The following UBA3 variants were observed in gnomAD, a reference collection of about 807,000 sequenced individuals.
UBA3 encodes the protein ubiquitin like modifier activating enzyme 3, also known as NEDD8-activating enzyme E1 catalytic subunit.
A neutral mutation model predicts 73.5 loss-of-function variants in UBA3; 26 were observed. The observed-to-expected ratio is 0.35, with a 90% CI of 0.26 to 0.49. The LOEUF (loss-of-function observed/expected upper bound fraction) is 0.49, where lower values mean the gene tolerates loss of function less well. Ranked by LOEUF, UBA3 falls within the 20% of genes least tolerant of loss-of-function variation. The pLI is 0.98. For missense variants in UBA3, 495 were observed against 555.6 expected (o/e 0.89, Z 1.10); for synonymous variants, 217 against 191.2 (o/e 1.13, Z -1.11).
chr3:69,056,219 T>C lies in UBA3; in HGVS notation c.1148A>G (p.Gln383Arg), dbSNP rs759582398. The C allele has an allele frequency of 6.2e-7, 1 of 1,601,762 alleles. No individual in the cohort carries two copies. The highest frequency in any genetic ancestry group is 1.8e-5 in the Admixed American group (1 of 56,682). Reference protein sequence around the residue: ...NIQFSPSAKLQEVLDYLTNSA... With the variant: ...NIQFSPSAKLREVLDYLTNSA... ...ATTGGTTAGATAATCCAAAACCTCC[T>C]GTAGTTTAGCTGATGGAGAAAACTG... The change falls in exon 15 of 18, where the codon CAG becomes CGG. Residue 383 changes from glutamine (Q) to arginine (R), a missense_variant. Physicochemically the swap from Gln to Arg is conservative, Grantham distance 43. Transcript: ENST00000361055.
intron 5 of UBA3, among the ~76,000 whole-genome samples, chr3:69,070,745 T>A (rs1345431146): frequency 3.9e-5 from 6 of 152,116 alleles, no homozygotes; most frequent in Non-Finnish European, 7.4e-5. Context: ...CTCCAGATCC[T>A]GAGCTCAAAC....
intron 14 of UBA3, 133 bp from the exon 15 acceptor site, chr3:69,056,416 G>T: frequency 1.1e-6 from 1 of 898,434 alleles, no homozygotes; most frequent in Non-Finnish European, 1.6e-6. Context: ...ATGCTTTAAA[G>T]CCTGCTTTTC....
chr3:69,058,882 C>G (rs887081961), intron 11 of UBA3, among the ~76,000 whole-genome samples: 1 of 152,146 alleles, frequency 6.6e-6, no homozygotes, highest in Admixed American at 6.5e-5. Flanking sequence ...TGTTGAGGCC[C>G]TCATTCACCA....
rs754956218 is a variant in UBA3, at chr3:69,055,420, T to C, written c.*17A>G. ...GTATATTATTTCCATGAGTTTTCTA[T>C]TATGTGGAGATTTTCCTTAAGAAGT... On this transcript the variant is annotated 3_prime_UTR_variant, in exon 18 of 18. Transcript: ENST00000361055. 6 of 1,456,660 alleles carry C rather than the reference T, an allele frequency of 4.1e-6. No homozygotes were observed. In the East Asian group the frequency reaches 1.3e-4, roughly 32 times the overall value. The allele number at this position is 1,456,660 out of a possible 1,614,324, so 90.2% of individuals were successfully genotyped here.
At chr3:69,068,430 T>G (rs2092091777) in intron 5 of UBA3, among the ~76,000 whole-genome samples, 1 of 151,966 alleles carries the variant, frequency 6.6e-6, no homozygotes, top group Admixed American at 6.6e-5. Context: ...GAACCTTCAT[T>G]TAACCCCTTC....
chr3:69,072,008 T>G (rs573951623), intron 4 of UBA3, among the ~76,000 whole-genome samples: 2 of 152,338 alleles, frequency 1.3e-5, no homozygotes, highest in East Asian at 3.9e-4. Flanking sequence ...AAGCTTTATT[T>G]TAGTTTACTT....
intron 7 of UBA3, among the ~76,000 whole-genome samples, 177 bp downstream of exon 7, chr3:69,063,891 A>G (rs1261477563): frequency 6.6e-6 from 1 of 152,216 alleles, no homozygotes; most frequent in Non-Finnish European, 1.5e-5. Context: ...GTAGCTGGTC[A>G]TGTCAGCTAA....
intron 3 of UBA3, 41 bp from the exon 4 acceptor site, chr3:69,075,551 C>T: frequency 7.6e-7 from 1 of 1,308,886 alleles, no homozygotes; most frequent in Admixed American, 2.5e-5. Context: ...TGGGTGATAA[C>T]CGCAAAGACT....
At chr3:69,056,965 T>G (rs1171398063) in intron 12 of UBA3, 150 bp from the exon 13 acceptor site, 2 of 882,142 alleles carry the variant, frequency 2.3e-6, no homozygotes, top group East Asian at 5.2e-5. Flanking sequence ...TAACAAATTT[T>G]ACATTGTTTT....
chr3:69,057,235 T>C, intron 12 of UBA3, 21 bp downstream of exon 12: 1 of 1,604,054 alleles, frequency 6.2e-7, no homozygotes, highest in Non-Finnish European at 8.5e-7. Context: ...ATAAACTAAG[T>C]GATGGCCTTT....
At chr3:69,078,809 G>A (rs1463287993) in intron 2 of UBA3, among the ~76,000 whole-genome samples, 1 of 152,110 alleles carries the variant, frequency 6.6e-6, no homozygotes, top group Admixed American at 6.5e-5. Context: ...TTAATGCTGT[G>A]GGACGGCTTT....
intron 11 of UBA3, 68 bp from the exon 12 acceptor site, chr3:69,057,377 G>A (rs571815748): frequency 7.2e-7 from 1 of 1,381,204 alleles, no homozygotes; most frequent in Non-Finnish European, 1.0e-6. Context: ...AAATTAGAAG[G>A]CATGATTATT....
At position 69,056,175 on chromosome 3, in the gene UBA3, A is replaced by G. The variant is rs939883029; in HGVS notation, c.1184+8T>C. ...TTTTACAACATAACAAAAATCTACA[A>G]TACTTACAGAGAAGCACTATTGGTT... On this transcript the variant is annotated splice_region_variant and intron_variant, in intron 15 of 17. Transcript: ENST00000361055. 9.5e-6 allele frequency: 15 copies of G among 1,571,724 alleles called. No individual in the cohort carries two copies. Among genetic ancestry groups the G allele is most frequent in the African/African-American group, 1.4e-5 (1 of 72,446 alleles).
intron 4 of UBA3, among the ~76,000 whole-genome samples, chr3:69,074,845 T>G (rs2092151730): frequency 6.6e-6 from 1 of 152,198 alleles, no homozygotes; most frequent in Non-Finnish European, 1.5e-5. Context: ...TTCCCAAACC[T>G]TAGGTGTCCA....
At chr3:69,067,549 T>C (rs978114411) in intron 6 of UBA3, among the ~76,000 whole-genome samples, 2 of 152,196 alleles carry the variant, frequency 1.3e-5, no homozygotes, top group Non-Finnish European at 2.9e-5. Context: ...ATTTGGCTAA[T>C]ACTATATTGA....
intron 4 of UBA3, among the ~76,000 whole-genome samples, chr3:69,073,540 G>C (rs1329105733): frequency 6.6e-6 from 1 of 151,850 alleles, no homozygotes; most frequent in Non-Finnish European, 1.5e-5. Flanking sequence ...ACACCTTTCT[G>C]TATTTGTTCA....
intron 5 of UBA3, among the ~76,000 whole-genome samples, 185 bp from the exon 6 acceptor site, chr3:69,068,193 C>T (rs1183952123): frequency 1.3e-5 from 2 of 152,168 alleles, no homozygotes; most frequent in East Asian, 1.9e-4. Context: ...CCTTAAATGT[C>T]AACCCTTGCT....
chr3:69,065,274 C>A (rs1489318943), intron 6 of UBA3, among the ~76,000 whole-genome samples: 1 of 151,158 alleles, frequency 6.6e-6, no homozygotes. Context: ...CCTACAGGGG[C>A]CTGTATTTGC....
At chr3:69,066,723 C>T (rs756752557) in intron 6 of UBA3, among the ~76,000 whole-genome samples, 1 of 152,142 alleles carries the variant, frequency 6.6e-6, no homozygotes, top group Non-Finnish European at 1.5e-5. Context: ...TGAGCCACCA[C>T]GCCTGGCTCA....
Sources: gnomAD v4.1 joint callset for allele counts (sites outside exome capture counted in the v4.1 genomes callset) on GRCh38, gnomAD v4.1.1 for gene constraint, MANE v1.5 for transcripts, NCBI Gene and HGNC (gene_info 2026-07-23, HGNC 2026-07-21) for gene names.